KIDINS220: variants seen among roughly 807,000 people sequenced by gnomAD.
The protein encoded by KIDINS220 is kinase D interacting substrate 220.
A neutral mutation model predicts 157.6 loss-of-function variants in KIDINS220; 63 were observed. The ratio of observed to expected loss-of-function variants is 0.40; its 90% CI spans 0.33 to 0.49. KIDINS220 has a LOEUF of 0.49. Ranked by LOEUF, KIDINS220 falls within the 20% of genes least tolerant of loss-of-function variation. KIDINS220 has a pLI of 0.66. For missense variants in KIDINS220, 1,772 were observed against 2,171.2 expected (o/e 0.82, Z 3.65); for synonymous variants, 732 against 783.6 (o/e 0.93, Z 1.10).
intron 26 of KIDINS220, among the ~76,000 whole-genome samples, chr2:8,738,088 CA>C (rs902189755): frequency 3.9e-4 from 59 of 152,008 alleles, no homozygotes; most frequent in African/African-American, 1.1e-3. Context: ...AAAAAAATCA[CA>C]AAAAAATAGT....
chr2:8,779,450 A>G (rs1395984052), intron 18 of KIDINS220, among the ~76,000 whole-genome samples: 1 of 152,242 alleles, frequency 6.6e-6, no homozygotes, highest in Non-Finnish European at 1.5e-5. Context: ...CATTTTTCTC[A>G]CAGTGCCACT....
At chr2:8,785,409 TG>T (rs1672262148) in intron 17 of KIDINS220, among the ~76,000 whole-genome samples, 1 of 152,162 alleles carries the variant, frequency 6.6e-6, no homozygotes, top group South Asian at 2.1e-4. Flanking sequence ...CTGTAAACTA[TG>T]GATGCTGGGT....
downstream of KIDINS220, chr2:8,725,575 A>C (rs1663230028): frequency 6.6e-6 from 1 of 152,206 alleles, no homozygotes; most frequent in Non-Finnish European, 1.5e-5. Context: ...TTGGTGAGGA[A>C]GTCAACTGTG....
intron 22 of KIDINS220, among the ~76,000 whole-genome samples, chr2:8,769,438 TTATTC>T (rs1320665094): frequency 6.6e-6 from 1 of 152,212 alleles, no homozygotes; most frequent in African/African-American, 2.4e-5. Flanking sequence ...AAACGAAGGC[TTATTC>T]TTTTTTATGA....
rs779500163 is a variant in KIDINS220 at position 8,793,781 on chromosome 2, C to T, written c.1276+29G>A. The stretch of plus-strand genomic sequence containing the variant: ...TAATGGAACATTGATTATTTAAAAG[C>T]TCAGTTAGGAGCAAAACTCAATACT... On this transcript the variant is annotated intron_variant, in intron 12 of 29. Transcript: ENST00000256707. 1.2e-5 allele frequency: 18 copies of T among 1,546,184 alleles called. No individual in the cohort carries two copies. The South Asian group carries it at 2.0e-4, about 17-fold the overall frequency.
At chr2:8,806,039 T>A (rs898235727) in intron 7 of KIDINS220, among the ~76,000 whole-genome samples, 8 of 152,192 alleles carry the variant, frequency 5.3e-5, no homozygotes, top group Admixed American at 2.6e-4. Flanking sequence ...CTTTATACTT[T>A]TAGCCTCCCC....
intron 23 of KIDINS220, among the ~76,000 whole-genome samples, chr2:8,750,542 C>T (rs902670195): frequency 2.0e-5 from 3 of 152,166 alleles, no homozygotes; most frequent in Non-Finnish European, 4.4e-5. Flanking sequence ...TGCAAAAAAG[C>T]ATTTTCACCA....
At chr2:8,739,715 TCAAGA>T (rs1665375745) in intron 26 of KIDINS220, among the ~76,000 whole-genome samples, 1 of 152,198 alleles carries the variant, frequency 6.6e-6, no homozygotes, top group African/African-American at 2.4e-5. Flanking sequence ...ATTATCTAAG[TCAAGA>T]AGAGACCATT....
intron 1 of KIDINS220, among the ~76,000 whole-genome samples, chr2:8,835,057 G>T (rs185158019): frequency 2.0e-5 from 3 of 152,082 alleles, no homozygotes; most frequent in Admixed American, 2.0e-4. Flanking sequence ...CTATATTGCC[G>T]AGGCTGCTCT....
intron 21 of KIDINS220, among the ~76,000 whole-genome samples, chr2:8,772,532 A>T (rs1670370650): frequency 6.6e-6 from 1 of 152,188 alleles, no homozygotes; most frequent in African/African-American, 2.4e-5. Flanking sequence ...CTAAGAATAT[A>T]TCTAGCCTAT....
At chr2:8,744,938 T>C (rs1558329930) in intron 26 of KIDINS220, among the ~76,000 whole-genome samples, 1 of 152,220 alleles carries the variant, frequency 6.6e-6, no homozygotes, top group Non-Finnish European at 1.5e-5. Context: ...GCAAATGATA[T>C]GGTTATTCTA....
rs187408165 is a variant in KIDINS220, at chr2:8,813,910, C to T, written c.307-575G>A. On this transcript the variant is annotated intron_variant, in intron 4 of 29. Transcript: ENST00000256707. ...CTGCACTCCAGCACAGGCGACAGTG[C>T]GAGACTCCATCTCAAATAAAAAAAA... Among the ~76,000 whole-genome samples, 1,053 of 152,072 alleles carry T rather than the reference C, an allele frequency of 6.9e-3. 3 individuals carry two copies. Among genetic ancestry groups the T allele is most frequent in the Non-Finnish European group, 0.01 (682 of 68,004 alleles).
intron 22 of KIDINS220, among the ~76,000 whole-genome samples, chr2:8,756,725 G>A (rs1315339194): frequency 6.6e-6 from 1 of 152,046 alleles, no homozygotes; most frequent in East Asian, 1.9e-4. Flanking sequence ...TTCTTAGGAG[G>A]GCACTAATCC....
rs200409469 is a variant in KIDINS220, at chr2:8,731,142, G to C, written c.4894C>G (p.Leu1632Val). 35 of 1,614,042 alleles carry C rather than the reference G, an allele frequency of 2.2e-5. No individual in the cohort carries two copies. Among genetic ancestry groups the C allele is most frequent in the Non-Finnish European group, 2.6e-5 (31 of 1,180,040 alleles). Residue 1632 changes from leucine (L) to valine (V), a missense_variant, in exon 30 of 30, where the codon CTG (leucine) becomes GTG (valine). Coordinates refer to ENST00000256707, the MANE Select transcript of KIDINS220 (RefSeq NM_020738.4). The surrounding 1 kb of genome is among the most constrained non-coding windows in gnomAD (Gnocchi z 5.2). ...ATAATTGGATCTTGCAGGCCACTCA[G>C]GCTATGTGGGATTCCCCGCTTTCCG... ...HSGKRGIPHS[L>V]SGLQDPIIAR...
At chr2:8,810,613 C>A (rs1324265934) in intron 6 of KIDINS220, among the ~76,000 whole-genome samples, 1 of 152,094 alleles carries the variant, frequency 6.6e-6, no homozygotes, top group Non-Finnish European at 1.5e-5. Flanking sequence ...TGGTGAAACC[C>A]CATCTCTACT....
intron 15 of KIDINS220, among the ~76,000 whole-genome samples, chr2:8,788,016 T>C (rs1215151527): frequency 6.6e-6 from 1 of 152,160 alleles, no homozygotes; most frequent in Non-Finnish European, 1.5e-5. Context: ...CATCCAGTGC[T>C]CTCTTCAAAG....
intron 21 of KIDINS220, among the ~76,000 whole-genome samples, chr2:8,775,010 G>A (rs1428927565): frequency 2.6e-5 from 4 of 152,110 alleles, no homozygotes; most frequent in Non-Finnish European, 4.4e-5. Flanking sequence ...AGAAAATGGC[G>A]AACAGTGCTC....
At chr2:8,762,230 T>A (rs1426020101) in intron 22 of KIDINS220, among the ~76,000 whole-genome samples, 1 of 152,238 alleles carries the variant, frequency 6.6e-6, no homozygotes, top group Non-Finnish European at 1.5e-5. Flanking sequence ...TTCTATATAC[T>A]TTTTCAATGT....
chr2:8,778,918 G>A lies in KIDINS220; in HGVS notation c.2592C>T (p.Asp864=), dbSNP rs200719766. The change falls in exon 19 of 30, where the codon GAC becomes GAT. Residue 864 remains aspartate, a synonymous_variant. Transcript: ENST00000256707. ...TACCTGTAGTATCTGAGCATGGAAC[G>A]TCTCCATTTGTTGCTGAAGTTACGA... The part of the protein sequence containing the change: ...KFLVTSATNG[D]VPCSDTTGIQ... The A allele has an allele frequency of 1.4e-4, 230 of 1,614,136 alleles. No individual in the cohort carries two copies. The highest frequency in any genetic ancestry group is 1.7e-4 in the Non-Finnish European group (206 of 1,180,002).
Sources: allele counts gnomAD v4.1 joint callset (sites outside exome capture counted in the v4.1 genomes callset), GRCh38; gene constraint gnomAD v4.1.1; non-coding constraint Gnocchi (gnomAD v3.1); transcripts MANE v1.5; gene names NCBI Gene and HGNC (gene_info 2026-07-23, HGNC 2026-07-21).